The following COMMD1 variants were observed in gnomAD, a reference collection of about 807,000 sequenced individuals.
COMMD1 encodes the protein copper metabolism domain containing 1.
COMMD1 carries 10 observed loss-of-function variants against 17.2 expected under a neutral mutation model. The ratio of observed to expected loss-of-function variants is 0.58; its 90% CI spans 0.36 to 0.99. COMMD1 has a LOEUF of 0.99. Ranked by LOEUF, COMMD1 falls within the 50% of genes least tolerant of loss-of-function variation. The pLI is 0.01. For synonymous variants in COMMD1, 97 were observed against 91.6 expected (o/e 1.06, Z -0.34); for missense variants, 270 against 231.8 (o/e 1.17, Z -1.07).
chr2:62,101,792 AG>A (rs1672185944), intron 2 of COMMD1, among the ~76,000 whole-genome samples: 1 of 152,160 alleles, frequency 6.6e-6, no homozygotes, highest in African/African-American at 2.4e-5. Flanking sequence ...TGCCCTCTCC[AG>A]GTACACCACC....
At chr2:62,081,066 G>GT (rs1376895768) in intron 2 of COMMD1, among the ~76,000 whole-genome samples, 1 of 151,776 alleles carries the variant, frequency 6.6e-6, no homozygotes, top group Non-Finnish European at 1.5e-5. Context: ...TGGTGCTTTT[G>GT]TTTTTTGATT....
chr2:61,898,627 TATATA>T (rs1182273795), intron 1 of COMMD1, among the ~76,000 whole-genome samples: 1 of 152,152 alleles, frequency 6.6e-6, no homozygotes, highest in African/African-American at 2.4e-5. Context: ...GTTCACGTTT[TATATA>T]ATATTTTAAT....
chr2:62,065,338 C>CTT (rs57243558), intron 2 of COMMD1, among the ~76,000 whole-genome samples: 4 of 44,376 alleles, frequency 9.0e-5, no homozygotes, highest in South Asian at 1.3e-3. Context: ...TATGTACTTA[C>CTT]TTTTTTTTTT....
chr2:62,004,907 G>T (rs1480462533), intron 2 of COMMD1, among the ~76,000 whole-genome samples: 1 of 152,190 alleles, frequency 6.6e-6, no homozygotes, highest in African/African-American at 2.4e-5. Flanking sequence ...ATATCAAGAA[G>T]TTGCTTCCAA....
rs1405898747 is a variant in COMMD1 at position 62,012,867 on chromosome 2, GCTTTA to G, written c.462+11891_462+11895del. ...CCCAGACCCCATCTCAAAGTAAGTG[GCTTTA>G]CTTTAATTTGAGTGAAGGAAGATTT... On this transcript the variant is annotated intron_variant, in intron 2 of 2. Transcript: ENST00000311832. Among the ~76,000 whole-genome samples, 8 of 152,206 alleles carry G rather than the reference GCTTTA, an allele frequency of 5.3e-5. No homozygotes were observed. The East Asian group carries it at 1.5e-3, about 29-fold the overall frequency.
intron 2 of COMMD1, among the ~76,000 whole-genome samples, chr2:62,002,178 A>G (rs997878260): frequency 6.7e-6 from 1 of 149,532 alleles, no homozygotes; most frequent in African/African-American, 2.5e-5. Flanking sequence ...CTCAAGAAAA[A>G]AATTTTTTTT....
In COMMD1 at chr2:61,945,517, C is replaced by T. The variant is rs554981317; in HGVS notation, c.180+39659C>T. Among the ~76,000 whole-genome samples, 16 of 152,326 alleles carry T rather than the reference C, an allele frequency of 1.1e-4. No individual in the cohort carries two copies. In the South Asian group the frequency reaches 2.9e-3, roughly 28 times the overall value. On this transcript the variant is annotated intron_variant, in intron 1 of 2. Coordinates refer to ENST00000311832, the MANE Select transcript of COMMD1 (RefSeq NM_152516.4). ...TTGTCAAAGGTCAGGGGCACTTGCACTCAGAAGACCTTTCAGGTTGCCAAA... is the reference window on the plus strand; with the variant it reads ...TTGTCAAAGGTCAGGGGCACTTGCATTCAGAAGACCTTTCAGGTTGCCAAA...
intron 2 of COMMD1, among the ~76,000 whole-genome samples, chr2:62,031,415 T>C (rs1400383160): frequency 6.6e-6 from 1 of 152,268 alleles, no homozygotes; most frequent in Non-Finnish European, 1.5e-5. Context: ...AGAGCATAGA[T>C]ACTTTTTCTA....
chr2:62,096,767 T>C (rs1672023036), intron 2 of COMMD1, among the ~76,000 whole-genome samples: 1 of 152,252 alleles, frequency 6.6e-6, no homozygotes, highest in African/African-American at 2.4e-5. Context: ...GGCAAAATTG[T>C]AATTTATCTT....
intron 1 of COMMD1, among the ~76,000 whole-genome samples, chr2:61,889,836 TA>T (rs1669381281): frequency 6.6e-6 from 1 of 152,178 alleles, no homozygotes; most frequent in Non-Finnish European, 1.5e-5. Flanking sequence ...AACATTATAA[TA>T]AAGATCATTT....
At chr2:62,085,907 G>A (rs1671654641) in intron 2 of COMMD1, among the ~76,000 whole-genome samples, 2 of 152,268 alleles carry the variant, frequency 1.3e-5, no homozygotes, top group African/African-American at 4.8e-5. Context: ...GAACCCGGGA[G>A]GCGGAGCTTG....
intron 1 of COMMD1, among the ~76,000 whole-genome samples, chr2:61,992,380 T>C (rs1470123202): frequency 6.6e-6 from 1 of 152,220 alleles, no homozygotes; most frequent in Admixed American, 6.5e-5. Context: ...GCTGAAGTAA[T>C]TATAAACAGG....
At chr2:61,960,787 A>T (rs753919803) in intron 1 of COMMD1, among the ~76,000 whole-genome samples, 1 of 151,836 alleles carries the variant, frequency 6.6e-6, no homozygotes, top group Non-Finnish European at 1.5e-5. Context: ...TCCCTTCTGG[A>T]GGTTCTTTGC....
intron 2 of COMMD1, among the ~76,000 whole-genome samples, chr2:62,006,464 A>G (rs1424436997): frequency 1.3e-5 from 2 of 152,226 alleles, no homozygotes; most frequent in East Asian, 1.9e-4. Flanking sequence ...AATAGAAGGC[A>G]TTATACCTTA....
chr2:61,992,756 A>G (rs1335201035), intron 1 of COMMD1, among the ~76,000 whole-genome samples: 1 of 152,188 alleles, frequency 6.6e-6, no homozygotes, highest in African/African-American at 2.4e-5. Flanking sequence ...GGAGGGCAAT[A>G]CTACCTGGTT....
At chr2:62,057,694 C>G (rs557951729) in intron 2 of COMMD1, among the ~76,000 whole-genome samples, 3 of 151,828 alleles carry the variant, frequency 2.0e-5, no homozygotes, top group Admixed American at 6.6e-5. Context: ...TTCAGCCTCC[C>G]GAGTAGCTGG....
In COMMD1 at chr2:62,136,001, T is replaced by C; in HGVS notation, c.*60T>C. On this transcript the variant is annotated 3_prime_UTR_variant, in exon 3 of 3. Transcript: ENST00000311832. The stretch of plus-strand genomic sequence containing the variant: ...CAAGGTGTCCATGATCCCTCCCCAC[T>C]GACCTTTTCTAAGAAAATTCTTGTG... 1.2e-6 allele frequency: 1 copy of C among 864,502 alleles called. No individual in the cohort carries two copies. The highest frequency in any genetic ancestry group is 2.0e-6 in the Non-Finnish European group (1 of 500,268). 53.6% of individuals were successfully genotyped at this position (864,502 alleles called of 1,614,324 possible). A position where few individuals can be genotyped will look rare whatever the true frequency, so the allele number is the denominator to read the frequency against.
chr2:61,905,557 G>C, upstream of COMMD1: 2 of 957,388 alleles, frequency 2.1e-6, no homozygotes, highest in Non-Finnish European at 3.0e-6. Flanking sequence ...GACCCCTGGG[G>C]AAGCCTTGCC....
At chr2:61,974,571 G>A (rs1475265260) in intron 1 of COMMD1, among the ~76,000 whole-genome samples, 2 of 150,822 alleles carry the variant, frequency 1.3e-5, no homozygotes, top group African/African-American at 4.9e-5. Context: ...TACTCAGGAG[G>A]CTGAGGCAGA....
Sources: gnomAD v4.1 joint callset for allele counts (sites outside exome capture counted in the v4.1 genomes callset) on GRCh38, gnomAD v4.1.1 for gene constraint, MANE v1.5 for transcripts, NCBI Gene and HGNC (gene_info 2026-07-23, HGNC 2026-07-21) for gene names.